TMEM9: variants seen among roughly 807,000 people sequenced by gnomAD.
The protein encoded by TMEM9 is proton-transporting V-type ATPase complex assembly regulator TMEM9.
A neutral mutation model predicts 22.8 loss-of-function variants in TMEM9; 13 were observed. The ratio of observed to expected loss-of-function variants is 0.57; its 90% CI spans 0.37 to 0.91. TMEM9 has a LOEUF of 0.91. Ranked by LOEUF, TMEM9 falls within the 40% of genes least tolerant of loss-of-function variation. TMEM9 has a pLI of 0.01. For missense variants in TMEM9, 182 were observed against 238.1 expected (o/e 0.76, Z 1.55); for synonymous variants, 88 against 93.0 (o/e 0.95, Z 0.31).
chr1:201,164,774 G>T (rs1030850171), intron 1 of TMEM9, among the ~76,000 whole-genome samples: 1 of 152,036 alleles, frequency 6.6e-6, no homozygotes, highest in Non-Finnish European at 1.5e-5. Context: ...TGCTGCCAAT[G>T]ACCTCAGCCC....
At chr1:201,171,433 G>C (rs1276458227) in intron 1 of TMEM9, 1 of 152,248 alleles carries the variant, frequency 6.6e-6, no homozygotes, top group East Asian at 1.9e-4. Flanking sequence ...TAGCAGCACG[G>C]AGACACTAAT....
At chr1:201,167,025 G>C (rs1208446292) in intron 1 of TMEM9, among the ~76,000 whole-genome samples, 1 of 152,162 alleles carries the variant, frequency 6.6e-6, no homozygotes, top group Non-Finnish European at 1.5e-5. Context: ...ATTTGGGAGA[G>C]ATTTTATTTT....
intron 1 of TMEM9, among the ~76,000 whole-genome samples, chr1:201,159,791 G>T (rs890284145): frequency 6.6e-6 from 1 of 151,862 alleles, no homozygotes; most frequent in African/African-American, 2.4e-5. Flanking sequence ...ACTCTACCTG[G>T]TTTACTATTT....
intron 2 of TMEM9, among the ~76,000 whole-genome samples, chr1:201,150,921 G>A (rs539178361): frequency 2.6e-5 from 4 of 152,194 alleles, no homozygotes; most frequent in South Asian, 2.1e-4. Context: ...ATCTGTGCTC[G>A]GGGCCCTCCA....
At chr1:201,157,223 G>C (rs994290853), upstream of TMEM9, among the ~76,000 whole-genome samples, 2 of 152,196 alleles carry the variant, frequency 1.3e-5, no homozygotes, top group African/African-American at 4.8e-5. Context: ...CACCAGGTGT[G>C]CCATCTGCAT....
chr1:201,143,057 G>A (rs2102241882), intron 4 of TMEM9, among the ~76,000 whole-genome samples: 1 of 152,336 alleles, frequency 6.6e-6, no homozygotes, highest in Middle Eastern at 3.4e-3. Flanking sequence ...GGAAGACGGT[G>A]ACAGCGCTTG....
At chr1:201,165,730 T>C (rs1375120457) in intron 1 of TMEM9, among the ~76,000 whole-genome samples, 1 of 152,188 alleles carries the variant, frequency 6.6e-6, no homozygotes, top group Non-Finnish European at 1.5e-5. Flanking sequence ...CCACCGTGCC[T>C]GGCCAATTGT....
At chr1:201,151,463 T>C (rs992211239) in intron 2 of TMEM9, among the ~76,000 whole-genome samples, 1 of 152,236 alleles carries the variant, frequency 6.6e-6, no homozygotes, top group Non-Finnish European at 1.5e-5. Context: ...AATACCTACC[T>C]TTGCCAACTT....
At chr1:201,162,312 T>A (rs1454983287) in intron 1 of TMEM9, among the ~76,000 whole-genome samples, 1 of 152,070 alleles carries the variant, frequency 6.6e-6, no homozygotes. Context: ...TTTATTTTTA[T>A]TTTTTGTGGA....
intron 1 of TMEM9, among the ~76,000 whole-genome samples, chr1:201,167,072 A>G (rs1165601243): frequency 2.0e-5 from 3 of 152,224 alleles, no homozygotes; most frequent in Non-Finnish European, 4.4e-5. Context: ...AAACCTTCAT[A>G]TTGAGTTACA....
At position 201,154,022 on chromosome 1, in the gene TMEM9, G is replaced by T; in HGVS notation, c.-99C>A. 1.4e-6 allele frequency: 2 copies of T among 1,403,688 alleles called. No individual in the cohort carries two copies. The highest frequency in any genetic ancestry group is 1.9e-6 in the Non-Finnish European group (2 of 1,044,716). 87.0% of individuals were successfully genotyped at this position (1,403,688 alleles called of 1,614,324 possible). On this transcript the variant is annotated 5_prime_UTR_variant, in exon 1 of 5. Coordinates refer to ENST00000367330, the MANE Select transcript of TMEM9 (RefSeq NM_001288565.2). ...GGCCACACCGCAGCCAGCACGCTAGGCCCTTAACCATCCGGCCAAGTGGGA... is the reference window on the plus strand; with the variant it reads ...GGCCACACCGCAGCCAGCACGCTAGTCCCTTAACCATCCGGCCAAGTGGGA...
In TMEM9 at chr1:201,154,121, C is replaced by T. The variant is rs1244764793; in HGVS notation, c.-198G>A. 6.4e-6 allele frequency: 4 copies of T among 626,660 alleles called. No homozygotes were observed. The highest frequency in any genetic ancestry group is 6.6e-5 in the Admixed American group (2 of 30,404). The allele number at this position is 626,660 out of a possible 1,614,324, so 38.8% of individuals were successfully genotyped here. ...TCGCCAAACCCTGCTTCCCTCCCGC[C>T]CAACTCTCCGGCTCTCCGCCAGCCA... On this transcript the variant is annotated 5_prime_UTR_variant, in exon 1 of 5. Coordinates refer to ENST00000367330, the MANE Select transcript of TMEM9 (RefSeq NM_001288565.2).
upstream of TMEM9, among the ~76,000 whole-genome samples, chr1:201,156,461 C>T (rs1204571162): frequency 6.6e-6 from 1 of 152,194 alleles, no homozygotes; most frequent in Admixed American, 6.5e-5. Context: ...CCAATTCAGA[C>T]CCCTCCACTT....
chr1:201,151,466 G>A (rs919355813), intron 2 of TMEM9, among the ~76,000 whole-genome samples: 1 of 152,104 alleles, frequency 6.6e-6, no homozygotes, highest in South Asian at 2.1e-4. Flanking sequence ...ACCTACCTTT[G>A]CCAACTTCTC....
At chr1:201,160,311 C>A (rs1488389344) in intron 1 of TMEM9, among the ~76,000 whole-genome samples, 1 of 152,192 alleles carries the variant, frequency 6.6e-6, no homozygotes, top group African/African-American at 2.4e-5. Context: ...GAGGTTAGGC[C>A]AGGCATGTTG....
At chr1:201,159,447 G>A (rs936125837), upstream of TMEM9, among the ~76,000 whole-genome samples, 7 of 150,914 alleles carry the variant, frequency 4.6e-5, no homozygotes, top group African/African-American at 7.3e-5. Flanking sequence ...GGACAAGCAC[G>A]CTGTTTTTGG....
rs1261689120 is a variant in TMEM9 at position 201,154,339 on chromosome 1, C to T, written c.-416G>A. On this transcript the variant is annotated 5_prime_UTR_variant, in exon 1 of 5. Transcript: ENST00000367330. Reference sequence around the variant, plus strand: ...GGGTGCGAGTCTGGGACCCCTGCTCCGACGGCGAAGGCCGGTGCCCACCAC... The same window carrying T: ...GGGTGCGAGTCTGGGACCCCTGCTCTGACGGCGAAGGCCGGTGCCCACCAC... The T allele has an allele frequency of 5.8e-6, 1 of 172,310 alleles. No individual in the cohort carries two copies. The highest frequency in any genetic ancestry group is 1.3e-5 in the Non-Finnish European group (1 of 79,424). 10.7% of individuals were successfully genotyped at this position (172,310 alleles called of 1,614,324 possible). A position where few individuals can be genotyped will look rare whatever the true frequency, so the allele number is the denominator to read the frequency against.
chr1:201,171,018 A>G (rs193017209), intron 1 of TMEM9, among the ~76,000 whole-genome samples: 1 of 152,374 alleles, frequency 6.6e-6, no homozygotes, highest in East Asian at 1.9e-4. Flanking sequence ...ACCAGGCGAC[A>G]AGGCTTGTTG....
intron 1 of TMEM9, among the ~76,000 whole-genome samples, chr1:201,161,104 A>G (rs940477004): frequency 2.6e-5 from 4 of 152,068 alleles, no homozygotes; most frequent in Admixed American, 6.5e-5. Context: ...AAACCCCTAT[A>G]TTTTCCAAAA....
Sources: allele counts gnomAD v4.1 joint callset (sites outside exome capture counted in the v4.1 genomes callset), GRCh38; gene constraint gnomAD v4.1.1; transcripts MANE v1.5; gene names NCBI Gene and HGNC (gene_info 2026-07-23, HGNC 2026-07-21).